Variants in CNTNAP1 observed in about 807,000 individuals in gnomAD.
The protein encoded by CNTNAP1 is contactin-associated protein 1.
Under a neutral mutation model 161.5 loss-of-function variants are expected in CNTNAP1, and 80 were observed. That is an observed-to-expected ratio of 0.50 (90% confidence interval 0.41 to 0.60). CNTNAP1 has a LOEUF of 0.60. Ranked by LOEUF, CNTNAP1 falls within the 20% of genes least tolerant of loss-of-function variation. The probability of loss-of-function intolerance (pLI) is 0.00; values close to 1 mark genes in which losing one functional copy is unlikely to be tolerated. For synonymous variants in CNTNAP1, 695 were observed against 733.1 expected (o/e 0.95, Z 0.84); for missense variants, 1,464 against 1,854.8 (o/e 0.79, Z 3.87).
chr17:42,695,904 T>A, intron 19 of CNTNAP1, 30 bp downstream of exon 19: 2 of 1,601,372 alleles, frequency 1.2e-6, no homozygotes, highest in South Asian at 2.2e-5. Flanking sequence ...CTCACCCCAC[T>A]CCAGCTTCAC....
rs760493388 is a variant in CNTNAP1, at chr17:42,691,217, C to A, written c.2140C>A (p.Arg714Ser). 3 of 1,614,178 alleles carry A rather than the reference C, an allele frequency of 1.9e-6. No homozygotes were observed. Among genetic ancestry groups the A allele is most frequent in the East Asian group, 2.2e-5 (1 of 44,884 alleles). ...GGGAGGCTCCCAGCCTGGGATCCAG[C>A]GCTGTGCCTGTGGTCTGGACCGGAG... is the stretch of plus-strand genomic sequence containing the variant. ...YWGGSQPGIQ[R>S]CACGLDRSCV... The change falls in exon 14 of 24, where the codon CGC (arginine) becomes AGC (serine). Residue 714 changes from arginine to serine, a missense_variant. Physicochemically the swap from Arg to Ser is moderately radical, Grantham distance 110. Around this residue, in one of 3 missense-constraint regions of CNTNAP1, gnomAD observed 1,383 missense variants for 1,765.0 expected, o/e 0.78. Coordinates refer to ENST00000264638, the MANE Select transcript of CNTNAP1 (RefSeq NM_003632.3). This position sits in a 1 kb window ranked among gnomAD's most constrained non-coding sequence, Gnocchi z 4.3.
rs3760385 is a variant in CNTNAP1 at position 42,689,888 on chromosome 17, A to G, written c.1736-200A>G. 0.59 allele frequency: 350,571 copies of G among 592,326 alleles called. 105,914 individuals are homozygous for G. Among genetic ancestry groups the G allele is most frequent in the African/African-American group, 0.76 (40,538 of 53,272 alleles). 36.7% of individuals were successfully genotyped at this position (592,326 alleles called of 1,614,324 possible). A position where few individuals can be genotyped will look rare whatever the true frequency, so the allele number is the denominator to read the frequency against. On this transcript the variant is annotated intron_variant, in intron 11 of 23. Coordinates refer to ENST00000264638, the MANE Select transcript of CNTNAP1 (RefSeq NM_003632.3). ...CCTAAGTAGCTGGGACTACAGGTGC[A>G]CACCACCACGCCTAGCTAATTTTTA...
Position 42,695,568 on chromosome 17 carries a change from C to A in CNTNAP1, c.3040C>A (p.Gln1014Lys). The A allele has an allele frequency of 6.2e-7, 1 of 1,613,700 alleles. No individual in the cohort carries two copies. The highest frequency in any genetic ancestry group is 8.5e-7 in the Non-Finnish European group (1 of 1,179,734). The change falls in exon 19 of 24, where the codon CAG (glutamine) becomes AAG (lysine). Residue 1014 changes from glutamine (Q) to lysine (K), a missense_variant. By Grantham distance (53) the Gln-to-Lys change is moderately conservative. Coordinates refer to ENST00000264638, the MANE Select transcript of CNTNAP1 (RefSeq NM_003632.3). ...EPGTWMRYNLQSALRSAAREF... is the reference protein window; with the variant it reads ...EPGTWMRYNLKSALRSAAREF... ...GGGCACCTGGATGCGCTATAACCTACAGTCAGCGCTGCGCTCTGCAGCCAG... is the reference window on the plus strand; with the variant it reads ...GGGCACCTGGATGCGCTATAACCTAAAGTCAGCGCTGCGCTCTGCAGCCAG...
Position 42,691,698 on chromosome 17 carries a change from C to T in CNTNAP1, c.2345-108C>T. ...CACTCCTTAGTCTCCCCTCCGTCAC[C>T]TCAAACCCTCCCCCTTTGCCCAACC... On this transcript the variant is annotated intron_variant, in intron 15 of 23. Transcript: ENST00000264638. This position sits in a 1 kb window ranked among gnomAD's most constrained non-coding sequence, Gnocchi z 4.3. 7.3e-7 allele frequency: 1 copy of T among 1,374,176 alleles called. No individual in the cohort carries two copies. The highest frequency in any genetic ancestry group is 1.0e-6 in the Non-Finnish European group (1 of 979,508). The allele number at this position is 1,374,176 out of a possible 1,614,324, so 85.1% of individuals were successfully genotyped here. A position where few individuals can be genotyped will look rare whatever the true frequency, so the allele number is the denominator to read the frequency against.
rs747479643 is a variant in CNTNAP1 at position 42,695,489 on chromosome 17, G to A, written c.2993-32G>A. 2.8e-5 allele frequency: 44 copies of A among 1,546,490 alleles called. No individual in the cohort carries two copies. The Admixed American group carries it at 7.1e-4, about 25-fold the overall frequency. On this transcript the variant is annotated intron_variant, in intron 18 of 23. Coordinates refer to ENST00000264638, the MANE Select transcript of CNTNAP1 (RefSeq NM_003632.3). ...CTCTGAATTGGGGAGTGAGCAGTGT[G>A]GGGGCCCTAACCTCCCTGCTTCTAC... is the stretch of plus-strand genomic sequence containing the variant.
In CNTNAP1 at chr17:42,687,429, T is replaced by G; in HGVS notation, c.1045-291T>G. 2 of 530,254 alleles carry G rather than the reference T, an allele frequency of 3.8e-6. No homozygotes were observed. The highest frequency in any genetic ancestry group is 6.7e-6 in the Non-Finnish European group (2 of 298,422). 32.8% of individuals were successfully genotyped at this position (530,254 alleles called of 1,614,324 possible). A position where few individuals can be genotyped will look rare whatever the true frequency, so the allele number is the denominator to read the frequency against. On this transcript the variant is annotated intron_variant, in intron 7 of 23. Transcript: ENST00000264638. The surrounding 1 kb of genome is among the most constrained non-coding windows in gnomAD (Gnocchi z 4.7). ...TGTTGGGAAGCTGGCAGGAGCCAGG[T>G]CTGTGGTCCAAAATTGCCTCTCGAT... is the stretch of plus-strand genomic sequence containing the variant.
At position 42,682,548 on chromosome 17, in the gene CNTNAP1, G is replaced by A. The variant is rs1361297891; in HGVS notation, c.-282G>A. The A allele has an allele frequency of 2.0e-6, 1 of 510,184 alleles. No individual in the cohort carries two copies. 31.6% of individuals were successfully genotyped at this position (510,184 alleles called of 1,614,324 possible). On this transcript the variant is annotated 5_prime_UTR_variant, in exon 1 of 24. Transcript: ENST00000264638. Reference sequence around the variant, plus strand: ...GGGTCCGGGAAACCGGCGCGTGCCAGGAGACAGAGGCTGGGGAAGGGGGGA... The same window carrying A: ...GGGTCCGGGAAACCGGCGCGTGCCAAGAGACAGAGGCTGGGGAAGGGGGGA...
At chr17:42,684,849 C>G in intron 3 of CNTNAP1, 142 bp from the exon 4 acceptor site, 1 of 912,868 alleles carries the variant, frequency 1.1e-6, no homozygotes, top group Non-Finnish European at 1.6e-6. Flanking sequence ...TGTTTGAACC[C>G]GGGAGGCAGA....
Position 42,685,071 on chromosome 17 carries a change from C to G in CNTNAP1, c.444C>G (p.Ile148Met), listed in dbSNP as rs985787228. Residue 148 changes from isoleucine (I) to methionine (M), a missense_variant, in exon 4 of 24, where the codon ATC becomes ATG. By Grantham distance (10) the Ile-to-Met change is conservative. This residue lies in a region of CNTNAP1 where 1,383 missense variants were observed against 1,765.0 expected (regional missense o/e 0.78). Transcript: ENST00000264638. The surrounding 1 kb of genome is among the most constrained non-coding windows in gnomAD (Gnocchi z 5.0). ...HFHFTARYIR[I>M]VPLAWNPRGK... ...ACTTCACTGCGCGCTACATCCGCAT[C>G]GTGCCCCTGGCCTGGAACCCACGCG... The G allele has an allele frequency of 1.3e-6, 2 of 1,580,116 alleles. No individual in the cohort carries two copies. Among genetic ancestry groups the G allele is most frequent in the Non-Finnish European group, 8.6e-7 (1 of 1,163,626 alleles).
In CNTNAP1 at chr17:42,697,545, C is replaced by T; in HGVS notation, c.3569-9C>T. 6.2e-7 allele frequency: 1 copy of T among 1,613,766 alleles called. No homozygotes were observed. Among genetic ancestry groups the T allele is most frequent in the Non-Finnish European group, 8.5e-7 (1 of 1,179,740 alleles). ...CAAGTCCCTCTTTCTGGGCCTGCCT[C>T]TCTCTCAGAGACAGGAGTCATTGAC... On this transcript the variant is annotated splice_polypyrimidine_tract_variant and intron_variant, in intron 21 of 23. Coordinates refer to ENST00000264638, the MANE Select transcript of CNTNAP1 (RefSeq NM_003632.3).
intron 3 of CNTNAP1, among the ~76,000 whole-genome samples, 197 bp downstream of exon 3, chr17:42,684,426 C>T (rs942219175): frequency 6.6e-6 from 1 of 152,194 alleles, no homozygotes; most frequent in Non-Finnish European, 1.5e-5. Context: ...CAGGGTTTAA[C>T]ACACTTTAGG....
rs2053207094 is a variant in CNTNAP1 at position 42,699,955 on chromosome 17, CG to C, written c.*1046del. 1 of 152,758 alleles carries C rather than the reference CG, an allele frequency of 6.5e-6. No homozygotes were observed. Among genetic ancestry groups the C allele is most frequent in the African/African-American group, 2.4e-5 (1 of 41,454 alleles). The allele number at this position is 152,758 out of a possible 1,614,324, so 9.5% of individuals were successfully genotyped here. Reference sequence around the variant, plus strand: ...GGGTTGAGCCTGCTGTGCTCTCAGACGCGGAGCCGTTCCAATAAAGCAGAGT... The same window carrying C: ...GGGTTGAGCCTGCTGTGCTCTCAGACCGGAGCCGTTCCAATAAAGCAGAGT... On this transcript the variant is annotated 3_prime_UTR_variant, in exon 24 of 24. Transcript: ENST00000264638.
intron 10 of CNTNAP1, 116 bp downstream of exon 10, chr17:42,689,163 CT>C: frequency 9.6e-7 from 1 of 1,039,492 alleles, no homozygotes; most frequent in Non-Finnish European, 1.4e-6. Context: ...CCTTAGTCCC[CT>C]GCTTGGGGAT....
rs2053030020 is a variant in CNTNAP1, at chr17:42,687,277, G to A, written c.1044+231G>A. ...ATCACCTTCTTAGTTCATAGATGAAGAAAGTAAGGCGCAGACACAGGGAGT... is the reference window on the plus strand; with the variant it reads ...ATCACCTTCTTAGTTCATAGATGAAAAAAGTAAGGCGCAGACACAGGGAGT... On this transcript the variant is annotated intron_variant, in intron 7 of 23. Coordinates refer to ENST00000264638, the MANE Select transcript of CNTNAP1 (RefSeq NM_003632.3). The surrounding 1 kb of genome is among the most constrained non-coding windows in gnomAD (Gnocchi z 4.7). 1 of 568,944 alleles carries A rather than the reference G, an allele frequency of 1.8e-6. No individual in the cohort carries two copies. Among genetic ancestry groups the A allele is most frequent in the South Asian group, 2.5e-5 (1 of 39,578 alleles). 35.2% of individuals were successfully genotyped at this position (568,944 alleles called of 1,614,324 possible).
chr17:42,684,782 C>T (rs1048453989), intron 3 of CNTNAP1, among the ~76,000 whole-genome samples: 2 of 152,030 alleles, frequency 1.3e-5, no homozygotes, highest in Admixed American at 6.5e-5. Flanking sequence ...AAAAATCAGC[C>T]GGGCGTAGTG....
Position 42,687,214 on chromosome 17 carries a change from C to G in CNTNAP1, c.1044+168C>G. ...CGGGTCTCACCTGAGGTGCATGAGC[C>G]ACGCAGGCCCCTAGTTAAGAAGCAG... is the stretch of plus-strand genomic sequence containing the variant. On this transcript the variant is annotated intron_variant, in intron 7 of 23. Coordinates refer to ENST00000264638, the MANE Select transcript of CNTNAP1 (RefSeq NM_003632.3). This position sits in a 1 kb window ranked among gnomAD's most constrained non-coding sequence, Gnocchi z 4.7. 1 of 807,352 alleles carries G rather than the reference C, an allele frequency of 1.2e-6. No homozygotes were observed. Among genetic ancestry groups the G allele is most frequent in the Non-Finnish European group, 1.9e-6 (1 of 529,692 alleles). The allele number at this position is 807,352 out of a possible 1,614,324, so 50.0% of individuals were successfully genotyped here. A position where few individuals can be genotyped will look rare whatever the true frequency, so the allele number is the denominator to read the frequency against.
At position 42,686,061 on chromosome 17, in the gene CNTNAP1, G is replaced by A. The variant is rs2053002345; in HGVS notation, c.820G>A (p.Asp274Asn). The A allele has an allele frequency of 6.2e-7, 1 of 1,614,174 alleles. No homozygotes were observed. Among genetic ancestry groups the A allele is most frequent in the Non-Finnish European group, 8.5e-7 (1 of 1,180,040 alleles). The part of the protein sequence containing the change: ...HYVRVDRFGR[D>N]VNFTLDGYVQ... ...TGTGCGGGTGGACCGATTTGGCCGCGATGTAAATTTCACCCTGGACGGCTA... is the reference window on the plus strand; with the variant it reads ...TGTGCGGGTGGACCGATTTGGCCGCAATGTAAATTTCACCCTGGACGGCTA... Residue 274 changes from aspartate to asparagine, a missense_variant, in exon 6 of 24, where the codon GAT (aspartate) becomes AAT (asparagine). Asp to Asn is a conservative substitution (Grantham distance 23). Transcript: ENST00000264638.
At position 42,685,340 on chromosome 17, in the gene CNTNAP1, T is replaced by G; in HGVS notation, c.635T>G (p.Leu212Arg). The G allele has an allele frequency of 6.2e-7, 1 of 1,611,136 alleles. No homozygotes were observed. The highest frequency in any genetic ancestry group is 8.5e-7 in the Non-Finnish European group (1 of 1,179,986). The change falls in exon 5 of 24, where the codon CTG becomes CGG. Residue 212 changes from leucine to arginine, a missense_variant. Leu to Arg is a moderately radical substitution (Grantham distance 102). This residue lies in a region of CNTNAP1 where 1,383 missense variants were observed against 1,765.0 expected (regional missense o/e 0.78). Coordinates refer to ENST00000264638, the MANE Select transcript of CNTNAP1 (RefSeq NM_003632.3). This position sits in a 1 kb window ranked among gnomAD's most constrained non-coding sequence, Gnocchi z 5.0. ...AAGACCGAGGAGAAGGACGGTCTTC[T>G]GCTGCACGCCGAGGGCGCCCAGGGC... ...SFKTEEKDGL[L>R]LHAEGAQGDY...
Position 42,693,282 on chromosome 17 carries a change from G to C in CNTNAP1, c.2753-15G>C. 6.2e-7 allele frequency: 1 copy of C among 1,613,356 alleles called. No homozygotes were observed. The highest frequency in any genetic ancestry group is 8.5e-7 in the Non-Finnish European group (1 of 1,179,446). Reference sequence around the variant, plus strand: ...CCCTGCCTCCATTTCTTGACCTGTTGCCTACCCTTCCCAGGATCTGCAGAG... The same window carrying C: ...CCCTGCCTCCATTTCTTGACCTGTTCCCTACCCTTCCCAGGATCTGCAGAG... On this transcript the variant is annotated splice_polypyrimidine_tract_variant and intron_variant, in intron 17 of 23. Coordinates refer to ENST00000264638, the MANE Select transcript of CNTNAP1 (RefSeq NM_003632.3).
Sources: gnomAD v4.1 joint callset for allele counts (sites outside exome capture counted in the v4.1 genomes callset) on GRCh38, gnomAD v4.1.1 for gene constraint, gnomAD v4.1.1 regional missense constraint, Gnocchi (gnomAD v3.1) non-coding constraint, MANE v1.5 for transcripts, NCBI Gene and HGNC (gene_info 2026-07-23, HGNC 2026-07-21) for gene names.